Variants in KPNA3 observed in about 807,000 individuals in gnomAD.
The protein encoded by KPNA3 is importin subunit alpha-4.
Under a neutral mutation model 73.8 loss-of-function variants are expected in KPNA3, and 13 were observed. That is an observed-to-expected ratio of 0.18 (90% CI 0.11 to 0.28). The LOEUF is 0.28. Ranked by LOEUF, KPNA3 falls within the 10% of genes least tolerant of loss-of-function variation. The pLI is 1.00. For missense variants in KPNA3, 360 were observed against 618.1 expected (o/e 0.58, Z 4.43); for synonymous variants, 186 against 206.9 (o/e 0.90, Z 0.87).
intron 15 of KPNA3, among the ~76,000 whole-genome samples, chr13:49,704,431 TAAAAAATA>T (rs1304176184): frequency 3.4e-4 from 18 of 52,380 alleles, no homozygotes; most frequent in East Asian, 2.8e-3. Context: ...AATAAATAAA[TAAAAAATA>T]AATAAATAAA....
At chr13:49,718,906 ACACAATT>A (rs1244294867) in intron 10 of KPNA3, among the ~76,000 whole-genome samples, 1 of 152,194 alleles carries the variant, frequency 6.6e-6, no homozygotes. Context: ...GATAAATTAC[ACACAATT>A]CACAATTCTG....
intron 6 of KPNA3, among the ~76,000 whole-genome samples, chr13:49,730,087 C>T (rs1001338391): frequency 1.2e-4 from 19 of 152,224 alleles, no homozygotes; most frequent in Non-Finnish European, 2.4e-4. Flanking sequence ...TTACAGAGGT[C>T]TGAGTTTCAT....
intron 10 of KPNA3, among the ~76,000 whole-genome samples, chr13:49,712,766 AAC>A (rs1954271469): frequency 7.6e-6 from 1 of 131,828 alleles, no homozygotes; most frequent in African/African-American, 2.7e-5. Flanking sequence ...AAACTGTCAA[AAC>A]AGATAGTAAG....
At position 49,746,963 on chromosome 13, in the gene KPNA3, C is replaced by G; in HGVS notation, c.100G>C (p.Val34Leu). The change falls in exon 2 of 17, where the codon GTG becomes CTG. Residue 34 changes from valine to leucine, a missense_variant. Physicochemically the swap from Val to Leu is conservative, Grantham distance 32 (BLOSUM62 1). Around this residue, in one of 3 missense-constraint regions of KPNA3, gnomAD observed 287 missense variants for 549.1 expected, o/e 0.52. Coordinates refer to ENST00000261667, the MANE Select transcript of KPNA3 (RefSeq NM_002267.4). ...TMRRHRNEVT[V>L]ELRKNKRDEH... ...ATCAACCTTACCTTCCGCAGTTCCA[C>G]TGTCACTTCATTTCTATGTCTTCGC... The G allele has an allele frequency of 6.2e-7, 1 of 1,610,258 alleles. No homozygotes were observed. Among genetic ancestry groups the G allele is most frequent in the Non-Finnish European group, 8.5e-7 (1 of 1,176,886 alleles).
intron 1 of KPNA3, among the ~76,000 whole-genome samples, chr13:49,766,055 C>T: frequency 6.6e-6 from 1 of 152,194 alleles, no homozygotes; most frequent in East Asian, 1.9e-4. Flanking sequence ...TTCACCTTAT[C>T]TGTAGATAAC....
chr13:49,764,066 C>CA (rs11301654), intron 1 of KPNA3, among the ~76,000 whole-genome samples: 8,130 of 79,876 alleles, frequency 0.1, 526 homozygotes, highest in African/African-American at 0.22. Flanking sequence ...GACCCTGTCT[C>CA]AAAAAAAAAA....
At chr13:49,735,748 T>C (rs1954516212) in intron 2 of KPNA3, among the ~76,000 whole-genome samples, 1 of 152,208 alleles carries the variant, frequency 6.6e-6, no homozygotes, top group Admixed American at 6.5e-5. Flanking sequence ...TATCCACGTA[T>C]GCATGTATCT....
chr13:49,769,202 C>T (rs562583285), intron 1 of KPNA3, among the ~76,000 whole-genome samples: 5 of 152,212 alleles, frequency 3.3e-5, no homozygotes, highest in Non-Finnish European at 7.4e-5. Flanking sequence ...ACTTTTACTA[C>T]ATAAACTCCA....
chr13:49,718,084 G>C (rs1443308120), intron 10 of KPNA3, among the ~76,000 whole-genome samples: 1 of 151,982 alleles, frequency 6.6e-6, no homozygotes, highest in African/African-American at 2.4e-5. Context: ...CAGTTCTCAG[G>C]TATGGCTCTC....
chr13:49,737,713 T>C (rs1039119485), intron 2 of KPNA3, among the ~76,000 whole-genome samples: 1 of 151,412 alleles, frequency 6.6e-6, no homozygotes, highest in Non-Finnish European at 1.5e-5. Context: ...GGCTCAAGAG[T>C]TGTTTTTGCC....
chr13:49,780,127 T>C (rs1954929190), intron 1 of KPNA3, among the ~76,000 whole-genome samples: 1 of 152,156 alleles, frequency 6.6e-6, no homozygotes, highest in Admixed American at 6.6e-5. Flanking sequence ...TTGCTTGAGC[T>C]ATTAATCTTC....
Position 49,723,428 on chromosome 13 carries a change from G to A in KPNA3, c.470-865C>T, listed in dbSNP as rs1333729435. 5.3e-5 allele frequency among the ~76,000 whole-genome samples: 8 copies of A among 152,108 alleles called. No homozygotes were observed. In the East Asian group the frequency reaches 1.5e-3, roughly 29 times the overall value. On this transcript the variant is annotated intron_variant, in intron 7 of 16. Coordinates refer to ENST00000261667, the MANE Select transcript of KPNA3 (RefSeq NM_002267.4). ...CTACTAAAAATATAAAAATTAGCCG[G>A]GCGTGGTGGTGGGCGCCTGTAATCC... is the stretch of plus-strand genomic sequence containing the variant.
intron 1 of KPNA3, among the ~76,000 whole-genome samples, chr13:49,779,378 C>G (rs1185598955): frequency 6.6e-6 from 1 of 152,128 alleles, no homozygotes; most frequent in African/African-American, 2.4e-5. Flanking sequence ...AAAATAGAGG[C>G]CACTAAGTAT....
chr13:49,784,037 G>C (rs1954961576), intron 1 of KPNA3, among the ~76,000 whole-genome samples: 2 of 152,118 alleles, frequency 1.3e-5, no homozygotes, highest in African/African-American at 4.8e-5. Flanking sequence ...AGGACTGCTT[G>C]AGGACAGGAG....
chr13:49,746,824 A>T, intron 2 of KPNA3, 125 bp downstream of exon 2: 1 of 673,118 alleles, frequency 1.5e-6, no homozygotes, highest in Non-Finnish European at 2.6e-6. Flanking sequence ...ATGATAAAGT[A>T]TCCAGTGATG....
In KPNA3 at chr13:49,699,582, A is replaced by G. The variant is rs1319334044; in HGVS notation, c.*2218T>C. 6.6e-6 allele frequency: 1 copy of G among 152,670 alleles called. No individual in the cohort carries two copies. Among genetic ancestry groups the G allele is most frequent in the Non-Finnish European group, 1.5e-5 (1 of 68,040 alleles). 9.5% of individuals were successfully genotyped at this position (152,670 alleles called of 1,614,324 possible). A position where few individuals can be genotyped will look rare whatever the true frequency, so the allele number is the denominator to read the frequency against. ...CACAAATTGAATCAAGGAAATGCAT[A>G]CAAGTGTCTGCACTACTTGATGCTA... is the stretch of plus-strand genomic sequence containing the variant. On this transcript the variant is annotated 3_prime_UTR_variant, in exon 17 of 17. Coordinates refer to ENST00000261667, the MANE Select transcript of KPNA3 (RefSeq NM_002267.4).
intron 1 of KPNA3, among the ~76,000 whole-genome samples, chr13:49,762,602 A>G (rs1954776489): frequency 6.6e-6 from 1 of 152,072 alleles, no homozygotes. Context: ...TGCTGTGTCC[A>G]CTCAGGGTTA....
Position 49,780,116 on chromosome 13 carries a change from A to C in KPNA3, c.69+12322T>G, listed in dbSNP as rs80334773. Among the ~76,000 whole-genome samples the C allele has an allele frequency of 9.3e-3, 1,413 of 152,164 alleles. 18 individuals carry two copies. The highest frequency in any genetic ancestry group is 0.032 in the African/African-American group (1,325 of 41,492). ...CCTATATTATCATCTTACTCTAGCC[A>C]TTGCTTGAGCTATTAATCTTCACCA... is the stretch of plus-strand genomic sequence containing the variant. On this transcript the variant is annotated intron_variant, in intron 1 of 16. Coordinates refer to ENST00000261667, the MANE Select transcript of KPNA3 (RefSeq NM_002267.4).
chr13:49,749,546 G>GT (rs1954645099), intron 1 of KPNA3, among the ~76,000 whole-genome samples: 1 of 152,266 alleles, frequency 6.6e-6, no homozygotes, highest in South Asian at 2.1e-4. Flanking sequence ...TTAGAGAACT[G>GT]TATCACCTAA....
Sources: gnomAD v4.1 joint callset for allele counts (sites outside exome capture counted in the v4.1 genomes callset) on GRCh38, gnomAD v4.1.1 for gene constraint, gnomAD v4.1.1 regional missense constraint, MANE v1.5 for transcripts, NCBI Gene and HGNC (gene_info 2026-07-23, HGNC 2026-07-21) for gene names.